The following ITGAL variants were observed in gnomAD, a reference collection of about 807,000 sequenced individuals.
The protein encoded by ITGAL is integrin subunit alpha L, also known as integrin alpha-L.
A neutral mutation model predicts 138.4 loss-of-function variants in ITGAL; 68 were observed. That is an observed-to-expected ratio of 0.49 (90% CI 0.40 to 0.60). The LOEUF (loss-of-function observed/expected upper bound fraction) is 0.60, where lower values mean the gene tolerates loss of function less well. Among genes scored for constraint, ITGAL ranks in the 20% least tolerant of loss-of-function variants. ITGAL has a pLI of 0.00. For synonymous variants in ITGAL, 561 were observed against 584.3 expected, an observed-to-expected ratio of 0.96 and a Z score of 0.57; for missense variants, 1,256 against 1,478.6, an observed-to-expected ratio of 0.85 and a Z score of 2.47.
intron 26 of ITGAL, among the ~76,000 whole-genome samples, 189 bp downstream of exon 26, chr16:30,517,275 A>G (rs1486176714): frequency 6.6e-6 from 1 of 152,072 alleles, no homozygotes; most frequent in Non-Finnish European, 1.5e-5. Flanking sequence ...AACATAGCAC[A>G]ACTCCAGTCT....
chr16:30,517,838 C>T lies in ITGAL; in HGVS notation c.3075C>T (p.Phe1025=). The change falls in exon 28 of 31, where the codon TTC becomes TTT. Residue 1025 remains phenylalanine, a synonymous_variant. Coordinates refer to ENST00000356798, the MANE Select transcript of ITGAL (RefSeq NM_002209.3). The stretch of plus-strand genomic sequence containing the variant: ...CCCTGTTCCGCTGCCCTGTTGTCTT[C>T]AGGCAGGAGATCCTCGTCCAAGTGA... The part of the protein sequence containing the change: ...PGALFRCPVV[F]RQEILVQVIG... 2.5e-6 allele frequency: 4 copies of T among 1,614,188 alleles called. No individual in the cohort carries two copies. The highest frequency in any genetic ancestry group is 3.4e-6 in the Non-Finnish European group (4 of 1,180,034).
rs181752314 is a variant in ITGAL at position 30,494,608 on chromosome 16, C to A, written c.1366-105C>A. 1.5e-6 allele frequency: 2 copies of A among 1,373,706 alleles called. No individual in the cohort carries two copies. Among genetic ancestry groups the A allele is most frequent in the South Asian group, 1.5e-5 (1 of 66,376 alleles). 85.1% of individuals were successfully genotyped at this position (1,373,706 alleles called of 1,614,324 possible). ...ACTAGGGGTGGATCCAAGATTGGAACCTGCATTTGAGGGAGTGGCACAAGA... is the reference window on the plus strand; with the variant it reads ...ACTAGGGGTGGATCCAAGATTGGAAACTGCATTTGAGGGAGTGGCACAAGA... On this transcript the variant is annotated intron_variant, in intron 12 of 30. Transcript: ENST00000356798. The surrounding 1 kb of genome is among the most constrained non-coding windows in gnomAD (Gnocchi z 4.2).
chr16:30,488,702 CAA>C (rs34533619), intron 9 of ITGAL, among the ~76,000 whole-genome samples: 99 of 57,678 alleles, frequency 1.7e-3, no homozygotes, highest in African/African-American at 5.8e-3. Context: ...GACTCCATCT[CAA>C]AAAAAAAAAA....
rs2050777276 is a variant in ITGAL at position 30,494,814 on chromosome 16, G to T, written c.1467G>T (p.Gln489His). ...LIGAPLFYGEQRGGRVFIYQR... is the reference protein window; with the variant it reads ...LIGAPLFYGEHRGGRVFIYQR... ...GTGCCCCACTGTTCTATGGGGAGCAGAGAGGAGGCCGGGTGTTTATCTACC... is the reference window on the plus strand; with the variant it reads ...GTGCCCCACTGTTCTATGGGGAGCATAGAGGAGGCCGGGTGTTTATCTACC... Residue 489 changes from glutamine (Q) to histidine (H), a missense_variant, in exon 13 of 31, where the codon CAG becomes CAT. By Grantham distance (24) the Gln-to-His change is conservative. Coordinates refer to ENST00000356798, the MANE Select transcript of ITGAL (RefSeq NM_002209.3). The surrounding 1 kb of genome is among the most constrained non-coding windows in gnomAD (Gnocchi z 4.2). 3 of 1,609,522 alleles carry T rather than the reference G, an allele frequency of 1.9e-6. No homozygotes were observed. The highest frequency in any genetic ancestry group is 2.5e-6 in the Non-Finnish European group (3 of 1,176,640).
chr16:30,490,897 G>A (rs1332247131), intron 11 of ITGAL, among the ~76,000 whole-genome samples: 1 of 151,698 alleles, frequency 6.6e-6, no homozygotes, highest in Non-Finnish European at 1.5e-5. Flanking sequence ...TTGAACCTGG[G>A]AGGCGGAAGT....
intron 15 of ITGAL, among the ~76,000 whole-genome samples, chr16:30,497,056 G>A (rs753741070): frequency 9.2e-5 from 14 of 152,032 alleles, no homozygotes; most frequent in Non-Finnish European, 1.3e-4. Context: ...AATTAGCAGG[G>A]TGTGGCAGCT....
At chr16:30,498,756 C>T (rs367597788) in intron 15 of ITGAL, 12 of 230,192 alleles carry the variant, frequency 5.2e-5, no homozygotes, top group African/African-American at 2.3e-4. Flanking sequence ...TTAAAGTTAG[C>T]CAGGTGTGGT....
Position 30,479,373 on chromosome 16 carries a change from G to T in ITGAL, c.488G>T (p.Gly163Val). ...GTAGACCTGGTATTTCTGTTTGATG[G>T]TTCGATGAGCTTGCAGCCAGATGAA... is the stretch of plus-strand genomic sequence containing the variant. Reference protein sequence around the residue: ...GNVDLVFLFDGSMSLQPDEFQ... With the variant: ...GNVDLVFLFDVSMSLQPDEFQ... Residue 163 changes from glycine to valine, a missense_variant, in exon 6 of 31, where the codon GGT becomes GTT. Physicochemically the swap from Gly to Val is moderately radical, Grantham distance 109. This residue lies in a region of ITGAL where 212 missense variants were observed against 217.4 expected (regional missense o/e 0.98). Coordinates refer to ENST00000356798, the MANE Select transcript of ITGAL (RefSeq NM_002209.3). 2 of 1,614,120 alleles carry T rather than the reference G, an allele frequency of 1.2e-6. No individual in the cohort carries two copies. Among genetic ancestry groups the T allele is most frequent in the South Asian group, 2.2e-5 (2 of 91,080 alleles).
rs1306422868 is a variant in ITGAL, at chr16:30,521,648, G to A, written c.3496G>A (p.Gly1166Ser). Residue 1166 changes from glycine to serine, a missense_variant, in exon 31 of 31, where the codon GGT (glycine) becomes AGT (serine). Around this residue, in one of 3 missense-constraint regions of ITGAL, gnomAD observed 867 missense variants for 972.5 expected, o/e 0.89. Transcript: ENST00000356798. ...CCTCCATGAGAAGGACTCTGAGAGT[G>A]GTGGTGGCAAGGACTGAGTCCAGGC... ...KPLHEKDSES[G>S]GGKD 6.2e-7 allele frequency: 1 copy of A among 1,613,828 alleles called. No individual in the cohort carries two copies. The highest frequency in any genetic ancestry group is 1.3e-5 in the African/African-American group (1 of 74,934).
intron 21 of ITGAL, chr16:30,509,339 G>A (rs2051054313): frequency 6.6e-6 from 1 of 152,158 alleles, no homozygotes; most frequent in South Asian, 2.1e-4. Flanking sequence ...TTCCCAGTCT[G>A]AGACTGAAAT....
chr16:30,488,976 A>G, intron 9 of ITGAL, 106 bp from the exon 10 acceptor site: 1 of 961,562 alleles, frequency 1.0e-6, no homozygotes, highest in East Asian at 2.4e-5. Flanking sequence ...CATGCCTTCT[A>G]CCTTACCCAG....
At chr16:30,511,201 G>A (rs1440610957) in intron 24 of ITGAL, 65 bp downstream of exon 24, 30 of 1,272,976 alleles carry the variant, frequency 2.4e-5, no homozygotes, top group East Asian at 6.9e-5. Flanking sequence ...CCAGGGCCCC[G>A]ACTTTGCTCC....
intron 22 of ITGAL, 57 bp from the exon 23 acceptor site, chr16:30,510,824 C>T: frequency 7.7e-7 from 1 of 1,301,028 alleles, no homozygotes. Context: ...GATGTGGGGG[C>T]CATGAGGCTG....
At position 30,474,196 on chromosome 16, in the gene ITGAL, C is replaced by A. The variant is rs778221076; in HGVS notation, c.62C>A (p.Ala21Glu). ...AGCTGACGACCCTTGCCTTCCTCAGCGCCGGCCTCGAGCTACAACCTGGAC... is the reference window on the plus strand; with the variant it reads ...AGCTGACGACCCTTGCCTTCCTCAGAGCCGGCCTCGAGCTACAACCTGGAC... ...MALLSGFFFF[A>E]PASSYNLDVR... The change falls in exon 2 of 31, where the codon GCG (alanine) becomes GAG (glutamate). Residue 21 changes from alanine to glutamate, a missense_variant and splice_region_variant. Around this residue, in one of 3 missense-constraint regions of ITGAL, gnomAD observed 212 missense variants for 217.4 expected, o/e 0.98. Transcript: ENST00000356798. The A allele has an allele frequency of 1.3e-6, 2 of 1,596,210 alleles. No individual in the cohort carries two copies. The highest frequency in any genetic ancestry group is 1.1e-5 in the South Asian group (1 of 88,752).
chr16:30,518,455 A>C (rs1258855140), intron 28 of ITGAL, among the ~76,000 whole-genome samples, 169 bp from the exon 29 acceptor site: 1 of 151,886 alleles, frequency 6.6e-6, no homozygotes, highest in East Asian at 1.9e-4. Context: ...TCTCAAAAAA[A>C]AAAAAAAAAT....
intron 7 of ITGAL, chr16:30,483,098 C>T (rs949317817): frequency 6.6e-6 from 1 of 152,152 alleles, no homozygotes; most frequent in Non-Finnish European, 1.5e-5. Flanking sequence ...GTTCAGTTCT[C>T]CCTTCTTTAT....
intron 9 of ITGAL, among the ~76,000 whole-genome samples, chr16:30,485,233 C>CT (rs1398598121): frequency 9.1e-4 from 50 of 55,234 alleles, no homozygotes; most frequent in East Asian, 4.1e-3. Flanking sequence ...TCTCTCTTTT[C>CT]TTTTTTTTTT....
At chr16:30,505,520 T>C (rs2050974666) in intron 20 of ITGAL, 58 bp downstream of exon 20, 2 of 1,245,306 alleles carry the variant, frequency 1.6e-6, no homozygotes, top group Non-Finnish European at 2.4e-6. Context: ...GACCCCCCAC[T>C]CCACTCACCA....
chr16:30,474,349 C>G, intron 2 of ITGAL, 51 bp downstream of exon 2: 1 of 1,365,420 alleles, frequency 7.3e-7, no homozygotes, highest in Non-Finnish European at 1.0e-6. Context: ...TGGGGCAGCC[C>G]CCGAGGCGGT....
Sources: gnomAD v4.1 joint callset for allele counts (sites outside exome capture counted in the v4.1 genomes callset) on GRCh38, gnomAD v4.1.1 for gene constraint, gnomAD v4.1.1 regional missense constraint, Gnocchi (gnomAD v3.1) non-coding constraint, MANE v1.5 for transcripts, NCBI Gene and HGNC (gene_info 2026-07-23, HGNC 2026-07-21) for gene names.